Variants in CACNB2 observed in about 807,000 individuals in gnomAD.
CACNB2 encodes the protein calcium voltage-gated channel auxiliary subunit beta 2.
A neutral mutation model predicts 73.3 loss-of-function variants in CACNB2; 42 were observed. The ratio of observed to expected loss-of-function variants is 0.57; its 90% CI spans 0.45 to 0.74. The LOEUF (loss-of-function observed/expected upper bound fraction) is 0.74, where lower values mean the gene tolerates loss of function less well. CACNB2 is among the 30% of genes least tolerant of loss of function. The probability of loss-of-function intolerance (pLI) is 0.00; values close to 1 mark genes in which losing one functional copy is unlikely to be tolerated. For missense variants in CACNB2, 940 were observed against 853.0 expected, an observed-to-expected ratio of 1.10 and a Z score of -1.27; for synonymous variants, 348 against 310.3, an observed-to-expected ratio of 1.12 and a Z score of -1.28.
intron 4 of CACNB2, among the ~76,000 whole-genome samples, chr10:18,499,675 T>C (rs1360910545): frequency 6.7e-6 from 1 of 148,422 alleles, no homozygotes; most frequent in Non-Finnish European, 1.5e-5. Context: ...CTCATGCCTG[T>C]AATCCAAGCA....
intron 2 of CACNB2, among the ~76,000 whole-genome samples, chr10:18,188,546 C>G (rs910102696): frequency 1.3e-5 from 2 of 152,142 alleles, no homozygotes; most frequent in Non-Finnish European, 2.9e-5. Flanking sequence ...CTCAAGAGAT[C>G]CTCCTGCCTT....
intron 2 of CACNB2, among the ~76,000 whole-genome samples, chr10:18,282,167 G>A (rs981059467): frequency 6.6e-6 from 1 of 151,914 alleles, no homozygotes; most frequent in Admixed American, 6.6e-5. Context: ...TGTCCCTAGG[G>A]GCAGTCATTA....
At chr10:18,447,520 G>A (rs567774172) in intron 3 of CACNB2, among the ~76,000 whole-genome samples, 3 of 152,250 alleles carry the variant, frequency 2.0e-5, no homozygotes, top group Middle Eastern at 3.4e-3. Context: ...AGGAGAATTC[G>A]GATCTTGCAT....
Position 18,177,566 on chromosome 10 carries a change from A to G in CACNB2, c.213+26591A>G, listed in dbSNP as rs1320429421. ...GGCACTCCAGCCTGGAAGACACAGC[A>G]AGACTCCATCTCAAAAAAAAAAAGA... On this transcript the variant is annotated intron_variant, in intron 2 of 13. Transcript: ENST00000324631. 4.6e-5 allele frequency among the ~76,000 whole-genome samples: 7 copies of G among 151,798 alleles called. No individual in the cohort carries two copies. The East Asian group carries it at 1.4e-3, about 29-fold the overall frequency.
chr10:18,539,854 G>C lies in CACNB2; in HGVS notation c.*130G>C. On this transcript the variant is annotated 3_prime_UTR_variant, in exon 14 of 14. Transcript: ENST00000324631. ...CTGTCTTGTAATATTTTGTATTATT[G>C]CTGTTGCTTGAATAGCAATAGCATG... 1.0e-6 allele frequency: 1 copy of C among 977,536 alleles called. No individual in the cohort carries two copies. The highest frequency in any genetic ancestry group is 1.5e-6 in the Non-Finnish European group (1 of 669,608). 60.6% of individuals were successfully genotyped at this position (977,536 alleles called of 1,614,324 possible).
intron 2 of CACNB2, among the ~76,000 whole-genome samples, chr10:18,347,605 A>C (rs897096535): frequency 1.3e-5 from 2 of 151,436 alleles, no homozygotes; most frequent in Non-Finnish European, 2.9e-5. Context: ...TTATCTCTCT[A>C]CTGCTCTGTC....
chr10:18,351,857 A>G lies in CACNB2; in HGVS notation c.214-50067A>G, dbSNP rs370557820. Among the ~76,000 whole-genome samples, 17 of 152,324 alleles carry G rather than the reference A, an allele frequency of 1.1e-4. No homozygotes were observed. In the East Asian group the frequency reaches 3.3e-3, roughly 29 times the overall value. ...AGAGGCTTTTTTTCCTGATGAATTC[A>G]TTGATTCAACAAGTCAAAATGGGTG... On this transcript the variant is annotated intron_variant, in intron 2 of 13. Coordinates refer to ENST00000324631, the MANE Select transcript of CACNB2 (RefSeq NM_201596.3).
chr10:18,211,091 G>C (rs1368020492), intron 2 of CACNB2, among the ~76,000 whole-genome samples: 1 of 152,164 alleles, frequency 6.6e-6, no homozygotes, highest in Non-Finnish European at 1.5e-5. Context: ...ATGACTATTA[G>C]CTATTATTTT....
At chr10:18,176,560 G>C (rs1180427703) in intron 2 of CACNB2, among the ~76,000 whole-genome samples, 1 of 151,756 alleles carries the variant, frequency 6.6e-6, no homozygotes. Flanking sequence ...AAGAGGGAAA[G>C]TCACAATTCC....
At chr10:18,426,791 G>T (rs2045621063) in intron 3 of CACNB2, among the ~76,000 whole-genome samples, 1 of 152,044 alleles carries the variant, frequency 6.6e-6, no homozygotes, top group Non-Finnish European at 1.5e-5. Context: ...GCAACATTAG[G>T]TTATTCTTGT....
Position 18,538,165 on chromosome 10 carries a change from TGTCTGCCTCTGCAGG to T in CACNB2, c.1303-14_1303del. ...GGGCTGGCATCAATGTGGTCTGGAATGTCTGCCTCTGCAGGAGCTGTTCGATGTGATCTTGGATGA... is the reference window on the plus strand; with the variant it reads ...GGGCTGGCATCAATGTGGTCTGGAATAGCTGTTCGATGTGATCTTGGATGA... On this transcript the variant is annotated splice_acceptor_variant and splice_polypyrimidine_tract_variant and coding_sequence_variant and intron_variant, in exon 13 of 14. Coordinates refer to ENST00000324631, the MANE Select transcript of CACNB2 (RefSeq NM_201596.3). LOFTEE classifies it high-confidence loss of function. 6.2e-7 allele frequency: 1 copy of T among 1,614,040 alleles called. No homozygotes were observed. Among genetic ancestry groups the T allele is most frequent in the Non-Finnish European group, 8.5e-7 (1 of 1,179,952 alleles).
chr10:18,194,012 G>A (rs2034518434), intron 2 of CACNB2, among the ~76,000 whole-genome samples: 1 of 152,160 alleles, frequency 6.6e-6, no homozygotes, highest in Non-Finnish European at 1.5e-5. Flanking sequence ...TGGAGTATTG[G>A]GTTGGGGAAA....
intron 2 of CACNB2, among the ~76,000 whole-genome samples, chr10:18,290,954 G>A (rs1422336031): frequency 6.6e-6 from 1 of 152,226 alleles, no homozygotes; most frequent in African/African-American, 2.4e-5. Context: ...TTGCTCTTCC[G>A]TCTGGGGCTT....
chr10:18,503,957 G>A (rs2050349298), intron 5 of CACNB2, among the ~76,000 whole-genome samples: 1 of 152,182 alleles, frequency 6.6e-6, no homozygotes, highest in African/African-American at 2.4e-5. Context: ...TCATGTCTTA[G>A]GAATAGTGTT....
chr10:18,162,743 C>A (rs1283691793), intron 2 of CACNB2, among the ~76,000 whole-genome samples: 1 of 152,174 alleles, frequency 6.6e-6, no homozygotes, highest in South Asian at 2.1e-4. Flanking sequence ...GACTTACTTA[C>A]ATAACATCAG....
At chr10:18,425,336 T>C (rs2045540866) in intron 3 of CACNB2, among the ~76,000 whole-genome samples, 1 of 152,188 alleles carries the variant, frequency 6.6e-6, no homozygotes, top group African/African-American at 2.4e-5. Flanking sequence ...TATCTATCTT[T>C]TCTGTCACTA....
At chr10:18,286,933 G>A (rs575874963) in intron 2 of CACNB2, among the ~76,000 whole-genome samples, 6 of 152,226 alleles carry the variant, frequency 3.9e-5, no homozygotes, top group Admixed American at 2.6e-4. Context: ...TAGGGTCCAC[G>A]ATCTCCAAGT....
chr10:18,351,764 AT>A (rs1056134560), intron 2 of CACNB2, among the ~76,000 whole-genome samples: 2 of 152,174 alleles, frequency 1.3e-5, no homozygotes, highest in African/African-American at 2.4e-5. Context: ...TTTTCACATA[AT>A]TTAAGATTCT....
chr10:18,154,580 G>A (rs2031884600), intron 2 of CACNB2, among the ~76,000 whole-genome samples: 1 of 152,028 alleles, frequency 6.6e-6, no homozygotes, highest in Non-Finnish European at 1.5e-5. Context: ...TAGTTCTCTT[G>A]CCTCAGCCTC....
Sources: gnomAD v4.1 joint callset for allele counts (sites outside exome capture counted in the v4.1 genomes callset) on GRCh38, gnomAD v4.1.1 for gene constraint, MANE v1.5 for transcripts, NCBI Gene and HGNC (gene_info 2026-07-23, HGNC 2026-07-21) for gene names.